Variants in GNG7 observed in about 807,000 individuals in gnomAD.
GNG7 encodes the protein guanine nucleotide-binding protein G(I)/G(S)/G(O) subunit gamma-7.
GNG7 carries 1 observed loss-of-function variant against 4.0 expected under a neutral mutation model. The observed-to-expected ratio is 0.25, with a 90% CI of 0.09 to 1.18. GNG7 has a LOEUF of 1.18. Ranked by LOEUF, GNG7 falls within the 50% of genes most tolerant of loss-of-function variation. GNG7 has a pLI of 0.50. For synonymous variants in GNG7, 34 were observed against 36.9 expected (o/e 0.92, Z 0.29); for missense variants, 86 against 91.9 (o/e 0.94, Z 0.26).
intron 2 of GNG7, among the ~76,000 whole-genome samples, chr19:2,600,109 G>A (rs888118985): frequency 1.4e-5 from 1 of 70,982 alleles, no homozygotes; most frequent in Non-Finnish European, 3.1e-5. Flanking sequence ...CATAAATATG[G>A]TAATAAAAAA....
rs1982030420 is a variant in GNG7, at chr19:2,626,697, C to T, written c.-78+19527G>A. Among the ~76,000 whole-genome samples, 1 of 152,190 alleles carries T rather than the reference C, an allele frequency of 6.6e-6. No individual in the cohort carries two copies. The highest frequency in any genetic ancestry group is 2.4e-5 in the African/African-American group (1 of 41,450). On this transcript the variant is annotated intron_variant, in intron 2 of 4. Coordinates refer to ENST00000382159, the MANE Select transcript of GNG7 (RefSeq NM_052847.3). The surrounding 1 kb of genome is among the most constrained non-coding windows in gnomAD (Gnocchi z 5.0). ...TCGGTTCACTCAATCAGGGTCTCAACTGGGGTAATTCTGTCCCCTCAGGGG... is the reference window on the plus strand; with the variant it reads ...TCGGTTCACTCAATCAGGGTCTCAATTGGGGTAATTCTGTCCCCTCAGGGG...
In GNG7 at chr19:2,517,553, C is replaced by T. The variant is rs543413984; in HGVS notation, c.82-2406G>A. ...GTAATTTTTGTATTTTTAGTAGAGACGGGGTTTCACCATGTTGGCCAGGCT... is the reference window on the plus strand; with the variant it reads ...GTAATTTTTGTATTTTTAGTAGAGATGGGGTTTCACCATGTTGGCCAGGCT... On this transcript the variant is annotated intron_variant, in intron 4 of 4. Coordinates refer to ENST00000382159, the MANE Select transcript of GNG7 (RefSeq NM_052847.3). Among the ~76,000 whole-genome samples, 116 of 152,104 alleles carry T rather than the reference C, an allele frequency of 7.6e-4. 1 individual carries two copies. Among genetic ancestry groups the T allele is most frequent in the Non-Finnish European group, 1.4e-3 (97 of 67,972 alleles).
chr19:2,634,608 C>T lies in GNG7; in HGVS notation c.-78+11616G>A, dbSNP rs755073214. ...CTTGCGGGCTGCACACACGTTTTCT[C>T]TCGGGGAGGGTGGTAGCAATGAGCT... On this transcript the variant is annotated intron_variant, in intron 2 of 4. Transcript: ENST00000382159. This position sits in a 1 kb window ranked among gnomAD's most constrained non-coding sequence, Gnocchi z 5.3. 2.6e-5 allele frequency among the ~76,000 whole-genome samples: 4 copies of T among 152,132 alleles called. No individual in the cohort carries two copies.
chr19:2,654,890 G>T (rs1317147043), intron 1 of GNG7, among the ~76,000 whole-genome samples: 2 of 152,026 alleles, frequency 1.3e-5, no homozygotes, highest in Non-Finnish European at 2.9e-5. Context: ...CATGCCAGGG[G>T]CACCCCCGAG....
At chr19:2,622,273 G>T (rs1193276556) in intron 2 of GNG7, among the ~76,000 whole-genome samples, 2 of 152,104 alleles carry the variant, frequency 1.3e-5, no homozygotes, top group Non-Finnish European at 2.9e-5. Context: ...TAGAGACGGG[G>T]TTTCACCATG....
chr19:2,671,364 C>G (rs1983447397), intron 1 of GNG7, among the ~76,000 whole-genome samples: 1 of 152,082 alleles, frequency 6.6e-6, no homozygotes. Context: ...TGGCTCTGAG[C>G]CTCGACCTGG....
chr19:2,646,812 T>C (rs186318491), intron 1 of GNG7, among the ~76,000 whole-genome samples: 136 of 152,342 alleles, frequency 8.9e-4, no homozygotes, highest in Non-Finnish European at 1.7e-3. Context: ...AGTGCAAGGA[T>C]TGATGTTTCT....
At chr19:2,648,841 A>G (rs62119810) in intron 1 of GNG7, among the ~76,000 whole-genome samples, 74,746 of 151,742 alleles carry the variant, frequency 0.49, 18,447 homozygotes, top group African/African-American at 0.54. Context: ...CAGGGCAGCT[A>G]TGAACATAAT....
At chr19:2,669,235 C>T (rs1447659469) in intron 1 of GNG7, among the ~76,000 whole-genome samples, 2 of 152,104 alleles carry the variant, frequency 1.3e-5, no homozygotes, top group Non-Finnish European at 2.9e-5. Flanking sequence ...CTCACACCTG[C>T]CATCCCAGCA....
chr19:2,567,132 C>CAAA (rs146646976), intron 2 of GNG7, among the ~76,000 whole-genome samples: 1 of 139,016 alleles, frequency 7.2e-6, no homozygotes, highest in African/African-American at 2.7e-5. Flanking sequence ...ACAAAAAAAA[C>CAAA]AAAAAAAAAA....
At chr19:2,621,709 A>C (rs1296054948) in intron 2 of GNG7, among the ~76,000 whole-genome samples, 1 of 152,090 alleles carries the variant, frequency 6.6e-6, no homozygotes, top group Non-Finnish European at 1.5e-5. Flanking sequence ...ACAAACAAAC[A>C]AACAAACAAA....
At chr19:2,612,292 C>T (rs543580731) in intron 2 of GNG7, among the ~76,000 whole-genome samples, 2 of 152,294 alleles carry the variant, frequency 1.3e-5, no homozygotes, top group East Asian at 1.9e-4. Flanking sequence ...GCATCTCTGA[C>T]CTCCGCCCAC....
At position 2,512,389 on chromosome 19, in the gene GNG7, C is replaced by G; in HGVS notation, c.*2633G>C. The G allele has an allele frequency of 2.0e-6, 2 of 984,418 alleles. No homozygotes were observed. The highest frequency in any genetic ancestry group is 9.4e-5 in the South Asian group (2 of 21,260). 61.0% of individuals were successfully genotyped at this position (984,418 alleles called of 1,614,324 possible). A position where few individuals can be genotyped will look rare whatever the true frequency, so the allele number is the denominator to read the frequency against. ...GTGGAGAATTTTTTTTTTAATCCCC[C>G]AAGCTAGAAAGAAACCCACAGGCTT... On this transcript the variant is annotated 3_prime_UTR_variant, in exon 5 of 5. Coordinates refer to ENST00000382159, the MANE Select transcript of GNG7 (RefSeq NM_052847.3). The surrounding 1 kb of genome is among the most constrained non-coding windows in gnomAD (Gnocchi z 4.7).
intron 2 of GNG7, among the ~76,000 whole-genome samples, chr19:2,570,411 C>CA (rs1293961400): frequency 2.0e-5 from 3 of 152,190 alleles, no homozygotes; most frequent in Non-Finnish European, 4.4e-5. Context: ...CACGGGGAGA[C>CA]ACGCAGAGCT....
chr19:2,533,629 C>T (rs1013930542), intron 3 of GNG7, among the ~76,000 whole-genome samples: 2 of 152,126 alleles, frequency 1.3e-5, no homozygotes, highest in Non-Finnish European at 2.9e-5. Flanking sequence ...GAAAAAACAG[C>T]AGCAATTAGG....
At chr19:2,573,216 T>C (rs531346354) in intron 2 of GNG7, among the ~76,000 whole-genome samples, 1 of 150,814 alleles carries the variant, frequency 6.6e-6, no homozygotes, top group African/African-American at 2.4e-5. Context: ...AGCGACGGGG[T>C]TTCACCATGC....
rs192759343 is a variant in GNG7 at position 2,683,178 on chromosome 19, G to A, written c.-135+19468C>T. On this transcript the variant is annotated intron_variant, in intron 1 of 4. Transcript: ENST00000382159. ...CGCTTGAACCCGGGAGGCAGAGGTT[G>A]CAGTGAGCCGAGATTGTGCCACTGC... Among the ~76,000 whole-genome samples the A allele has an allele frequency of 2.3e-3, 345 of 152,150 alleles. 2 individuals are homozygous for A. The highest frequency in any genetic ancestry group is 0.017 in the Middle Eastern group (5 of 292).
chr19:2,594,441 AG>A (rs1222217332), intron 2 of GNG7, among the ~76,000 whole-genome samples: 1 of 110,296 alleles, frequency 9.1e-6, no homozygotes, highest in African/African-American at 4.0e-5. Context: ...GAAGGAAGGA[AG>A]GAAGGAGGAA....
intron 1 of GNG7, among the ~76,000 whole-genome samples, chr19:2,688,855 C>A (rs1230909537): frequency 6.6e-6 from 1 of 152,084 alleles, no homozygotes; most frequent in African/African-American, 2.4e-5. Flanking sequence ...CACTTGTGTT[C>A]AGGAGTTCGA....
Sources: allele counts gnomAD v4.1 joint callset (sites outside exome capture counted in the v4.1 genomes callset), GRCh38; gene constraint gnomAD v4.1.1; non-coding constraint Gnocchi (gnomAD v3.1); transcripts MANE v1.5; gene names NCBI Gene and HGNC (gene_info 2026-07-23, HGNC 2026-07-21).